Variants in LRRTM4 observed in about 807,000 individuals in gnomAD.
The protein encoded by LRRTM4 is leucine rich repeat transmembrane neuronal 4.
LRRTM4 carries 25 observed loss-of-function variants against 47.6 expected under a neutral mutation model. That is an observed-to-expected ratio of 0.53 (90% CI 0.38 to 0.73). The LOEUF (loss-of-function observed/expected upper bound fraction) is 0.73. Among genes scored for constraint, LRRTM4 ranks in the 30% least tolerant of loss-of-function variants. LRRTM4 has a pLI of 0.00. For synonymous variants in LRRTM4, 311 were observed against 269.5 expected (o/e 1.15, Z -1.51); for missense variants, 638 against 713.4 (o/e 0.89, Z 1.20).
chr2:77,325,485 G>A (rs1405849614), intron 3 of LRRTM4, among the ~76,000 whole-genome samples: 1 of 152,156 alleles, frequency 6.6e-6, no homozygotes, highest in Non-Finnish European at 1.5e-5. Context: ...TAAAATTAGA[G>A]TGTATTGATA....
chr2:77,398,328 T>C (rs1404079633), intron 3 of LRRTM4, among the ~76,000 whole-genome samples: 1 of 151,918 alleles, frequency 6.6e-6, no homozygotes, highest in Non-Finnish European at 1.5e-5. Context: ...ACCAGATACG[T>C]TTAGGATTTC....
At chr2:76,878,199 C>G (rs566476866) in intron 3 of LRRTM4, among the ~76,000 whole-genome samples, 1 of 152,190 alleles carries the variant, frequency 6.6e-6, no homozygotes, top group African/African-American at 2.4e-5. Flanking sequence ...GCACAGCAAA[C>G]GGCACTCATA....
intron 3 of LRRTM4, among the ~76,000 whole-genome samples, chr2:77,190,796 A>G (rs534679979): frequency 2.0e-5 from 3 of 152,304 alleles, no homozygotes; most frequent in African/African-American, 7.2e-5. Flanking sequence ...ATGTGGGCTC[A>G]CTGAAGTTAT....
chr2:76,780,819 G>A (rs569842495), intron 3 of LRRTM4, among the ~76,000 whole-genome samples: 13 of 152,070 alleles, frequency 8.5e-5, no homozygotes, highest in African/African-American at 2.9e-4. Flanking sequence ...CGTTCCTTTG[G>A]AGGAGGAGAG....
intron 3 of LRRTM4, among the ~76,000 whole-genome samples, chr2:77,170,458 G>A (rs896921331): frequency 6.6e-6 from 1 of 152,132 alleles, no homozygotes; most frequent in Non-Finnish European, 1.5e-5. Context: ...TCCCCAGAAA[G>A]TAACACAATG....
chr2:77,048,403 T>C (rs928720698), intron 3 of LRRTM4, among the ~76,000 whole-genome samples: 3 of 152,088 alleles, frequency 2.0e-5, no homozygotes, highest in African/African-American at 7.2e-5. Flanking sequence ...ACTGCCATCA[T>C]AGATCAACTT....
chr2:77,508,463 C>G (rs182800081), intron 3 of LRRTM4, among the ~76,000 whole-genome samples: 3 of 152,102 alleles, frequency 2.0e-5, no homozygotes, highest in African/African-American at 7.2e-5. Context: ...TATACTCAAC[C>G]ACTGGCCAAA....
At chr2:77,123,235 G>GAGAGAC (rs1237052216) in intron 3 of LRRTM4, among the ~76,000 whole-genome samples, 1 of 151,656 alleles carries the variant, frequency 6.6e-6, no homozygotes, top group East Asian at 1.9e-4. Flanking sequence ...GAGAGAGAGA[G>GAGAGAC]AGAGAGAGAA....
At chr2:76,990,212 C>T (rs938948459) in intron 3 of LRRTM4, among the ~76,000 whole-genome samples, 1 of 151,806 alleles carries the variant, frequency 6.6e-6, no homozygotes, top group Admixed American at 6.6e-5. Context: ...AGTAGACTTC[C>T]TTTTGCTTTC....
chr2:77,521,858 C>CAT lies in LRRTM4; in HGVS notation c.-147-42_-147-41dup, dbSNP rs1178943332. ...CAGGCAAAAAAAAAAAAAAAAAATACATATATATATATACATATATATATA... is the reference window on the plus strand; with the variant it reads ...CAGGCAAAAAAAAAAAAAAAAAATACATATATATATATATACATATATATATA... On this transcript the variant is annotated intron_variant, in intron 1 of 3. Transcript: ENST00000409884. The CAT allele has an allele frequency of 1.3e-3, 354 of 265,652 alleles. 1 individual carries two copies. The highest frequency in any genetic ancestry group is 2.0e-3 in the African/African-American group (62 of 31,498). The allele number at this position is 265,652 out of a possible 1,614,324, so 16.5% of individuals were successfully genotyped here.
At chr2:76,788,210 A>G (rs1303228403) in intron 3 of LRRTM4, among the ~76,000 whole-genome samples, 1 of 152,162 alleles carries the variant, frequency 6.6e-6, no homozygotes, top group Non-Finnish European at 1.5e-5. Flanking sequence ...AATTGAGGTA[A>G]GTACAAGGTC....
chr2:76,888,573 T>TA (rs1673152332), intron 3 of LRRTM4, among the ~76,000 whole-genome samples: 2 of 151,754 alleles, frequency 1.3e-5, no homozygotes, highest in South Asian at 2.1e-4. Context: ...TTACTTCAAG[T>TA]AAAAAAATTA....
Position 76,748,656 on chromosome 2 carries a change from C to A in LRRTM4, c.*39G>T, listed in dbSNP as rs753449257. 20 of 1,385,040 alleles carry A rather than the reference C, an allele frequency of 1.4e-5. No homozygotes were observed. The African/African-American group carries it at 2.4e-4, about 17-fold the overall frequency. The allele number at this position is 1,385,040 out of a possible 1,614,324, so 85.8% of individuals were successfully genotyped here. ...TCCTTTAAGATGAAGGCCCTCCCTCCCCCCCATGGAGCTCCCCAGTGAGGA... is the reference window on the plus strand; with the variant it reads ...TCCTTTAAGATGAAGGCCCTCCCTCACCCCCATGGAGCTCCCCAGTGAGGA... On this transcript the variant is annotated 3_prime_UTR_variant, in exon 4 of 4. Transcript: ENST00000409884.
rs1425866447 is a variant in LRRTM4, at chr2:76,870,876, AAC to A, written c.1552-121962_1552-121961del. ...CAGTTAAATGGTGAGATATTAGAAA[AAC>A]ACACACAGAAATTCTTCAACTCAGC... On this transcript the variant is annotated intron_variant, in intron 3 of 3. Coordinates refer to ENST00000409884, the MANE Select transcript of LRRTM4 (RefSeq NM_001134745.3). Among the ~76,000 whole-genome samples the A allele has an allele frequency of 2.6e-5, 4 of 152,288 alleles. No homozygotes were observed. The South Asian group carries it at 6.2e-4, about 24-fold the overall frequency.
intron 3 of LRRTM4, among the ~76,000 whole-genome samples, chr2:76,933,909 C>A (rs2103841621): frequency 6.6e-6 from 1 of 152,154 alleles, no homozygotes; most frequent in Non-Finnish European, 1.5e-5. Context: ...CTTTCCTTCC[C>A]CATTTTACTT....
At chr2:77,369,792 T>G (rs61429383) in intron 3 of LRRTM4, among the ~76,000 whole-genome samples, 48,283 of 151,562 alleles carry the variant, frequency 0.32, 8,789 homozygotes, top group East Asian at 0.56. Context: ...TTACAGCCTC[T>G]TACTATACTG....
At chr2:77,265,553 G>A (rs1204751051) in intron 3 of LRRTM4, among the ~76,000 whole-genome samples, 2 of 152,014 alleles carry the variant, frequency 1.3e-5, no homozygotes, top group African/African-American at 4.8e-5. Flanking sequence ...AGAACCATGA[G>A]CCAAATAAAT....
At chr2:77,450,187 C>T (rs752365829) in intron 3 of LRRTM4, among the ~76,000 whole-genome samples, 1 of 151,880 alleles carries the variant, frequency 6.6e-6, no homozygotes, top group Non-Finnish European at 1.5e-5. Flanking sequence ...CTGGTGGCTT[C>T]ATATTTGCTT....
rs1261239740 is a variant in LRRTM4, at chr2:77,251,247, G to GTA, written c.1551+267070_1551+267071insTA. ...TATATACATATAGGTGTGTGTGTGT[G>GTA]TGTATATATATATACACACACACAT... is the stretch of plus-strand genomic sequence containing the variant. On this transcript the variant is annotated intron_variant, in intron 3 of 3. Transcript: ENST00000409884. 2.2e-4 allele frequency among the ~76,000 whole-genome samples: 16 copies of GTA among 73,216 alleles called. No homozygotes were observed. The South Asian group carries it at 2.6e-3, about 12-fold the overall frequency. The allele number at this position is 73,216 out of a possible 152,430, so 48.0% of individuals were successfully genotyped here.
Sources: gnomAD v4.1 joint callset for allele counts (sites outside exome capture counted in the v4.1 genomes callset) on GRCh38, gnomAD v4.1.1 for gene constraint, MANE v1.5 for transcripts, NCBI Gene and HGNC (gene_info 2026-07-23, HGNC 2026-07-21) for gene names.